The following LCP1 variants were observed in gnomAD, a reference collection of about 807,000 sequenced individuals.
LCP1 encodes plastin-2.
In LCP1, 23 loss-of-function variants were observed where a neutral mutation model predicts 72.0. That is an observed-to-expected ratio of 0.32 (90% CI 0.23 to 0.45). The LOEUF is 0.45. Ranked by LOEUF, LCP1 falls within the 20% of genes least tolerant of loss-of-function variation. LCP1 has a pLI of 1.00. For synonymous variants in LCP1, 245 were observed against 275.4 expected (o/e 0.89, Z 1.09); for missense variants, 571 against 748.3 (o/e 0.76, Z 2.76).
intron 13 of LCP1, among the ~76,000 whole-genome samples, chr13:46,139,608 C>A (rs1314606995): frequency 6.6e-6 from 1 of 152,166 alleles, no homozygotes; most frequent in African/African-American, 2.4e-5. Flanking sequence ...ATGTAAGATT[C>A]TTGCCTTGTC....
At chr13:46,148,800 G>T in intron 8 of LCP1, 1 of 911,938 alleles carries the variant, frequency 1.1e-6, no homozygotes, top group Non-Finnish European at 1.3e-6. Context: ...TGCTGTAGAA[G>T]TCAGTCAGCT....
intron 15 of LCP1, among the ~76,000 whole-genome samples, chr13:46,129,211 T>A (rs933396904): frequency 6.6e-6 from 1 of 152,216 alleles, no homozygotes; most frequent in Non-Finnish European, 1.5e-5. Flanking sequence ...CACCCCTTTT[T>A]CTAAGTAATT....
At chr13:46,143,607 T>C (rs888674304) in intron 11 of LCP1, among the ~76,000 whole-genome samples, 1 of 152,202 alleles carries the variant, frequency 6.6e-6, no homozygotes, top group Admixed American at 6.5e-5. Flanking sequence ...TGTGACTAGC[T>C]ATGCCCTTCC....
chr13:46,179,567 G>A lies in LCP1; in HGVS notation c.-25+2544C>T, dbSNP rs375882666. Among the ~76,000 whole-genome samples the A allele has an allele frequency of 6.6e-5, 10 of 152,330 alleles. No homozygotes were observed. The South Asian group carries it at 8.3e-4, about 13-fold the overall frequency. On this transcript the variant is annotated intron_variant, in intron 1 of 15. Coordinates refer to ENST00000323076, the MANE Select transcript of LCP1 (RefSeq NM_002298.5). ...ACCAAAGAAACATTTAGTGGGGGCA[G>A]GGAGAAGATGGGAAGGCCTCCAAAA...
At chr13:46,156,305 A>G in intron 5 of LCP1, 133 bp downstream of exon 5, 1 of 962,140 alleles carries the variant, frequency 1.0e-6, no homozygotes. Flanking sequence ...GACCTGGCCA[A>G]GTGAAAGTCC....
rs151211695 is a variant in LCP1, at chr13:46,130,531, G to A, written c.1751+283C>T. Among the ~76,000 whole-genome samples the A allele has an allele frequency of 2.3e-3, 349 of 151,454 alleles. 1 individual carries two copies. Among genetic ancestry groups the A allele is most frequent in the Non-Finnish European group, 3.7e-3 (248 of 67,928 alleles). Reference sequence around the variant, plus strand: ...AATGGAGCATTTGGTTAGGAAATTGGTTTTATGAAACTATAGGCTTGCTTA... The same window carrying A: ...AATGGAGCATTTGGTTAGGAAATTGATTTTATGAAACTATAGGCTTGCTTA... On this transcript the variant is annotated intron_variant, in intron 15 of 15. Transcript: ENST00000323076.
chr13:46,156,632 T>C (rs1593955907), intron 4 of LCP1, 62 bp from the exon 5 acceptor site: 2 of 1,558,388 alleles, frequency 1.3e-6, no homozygotes, highest in African/African-American at 1.4e-5. Context: ...AACAAAATTA[T>C]GCATGTGGAT....
chr13:46,173,249 T>C (rs2045912863), intron 1 of LCP1, among the ~76,000 whole-genome samples: 1 of 152,238 alleles, frequency 6.6e-6, no homozygotes, highest in Admixed American at 6.5e-5. Flanking sequence ...TTTTTTGCTG[T>C]GTGTATTTGA....
chr13:46,166,498 T>A (rs1471356600), intron 1 of LCP1, among the ~76,000 whole-genome samples: 1 of 152,182 alleles, frequency 6.6e-6, no homozygotes, highest in Non-Finnish European at 1.5e-5. Context: ...GTAGTTAAAG[T>A]CAAACCGGAC....
chr13:46,159,005 T>C lies in LCP1; in HGVS notation c.65-16A>G, dbSNP rs2045821232. The C allele has an allele frequency of 1.4e-5, 22 of 1,612,946 alleles. No homozygotes were observed. The highest frequency in any genetic ancestry group is 1.9e-5 in the Non-Finnish European group (22 of 1,179,412). ...CCATCAGTATCTGTAATGTACACAATATACTGAAGCTTCAGGACGATTCAG... is the reference window on the plus strand; with the variant it reads ...CCATCAGTATCTGTAATGTACACAACATACTGAAGCTTCAGGACGATTCAG... On this transcript the variant is annotated splice_polypyrimidine_tract_variant and intron_variant, in intron 2 of 15. Coordinates refer to ENST00000323076, the MANE Select transcript of LCP1 (RefSeq NM_002298.5).
intron 7 of LCP1, among the ~76,000 whole-genome samples, chr13:46,152,454 G>A (rs1593953466): frequency 6.6e-6 from 1 of 152,160 alleles, no homozygotes; most frequent in East Asian, 1.9e-4. Flanking sequence ...CAAAGTGCAA[G>A]TTAAAAGTCC....
In LCP1 at chr13:46,165,899, G is replaced by A. The variant is rs115819475; in HGVS notation, c.-24-6213C>T. Among the ~76,000 whole-genome samples the A allele has an allele frequency of 8.5e-3, 1,280 of 151,326 alleles. 15 individuals are homozygous for A. Among genetic ancestry groups the A allele is most frequent in the African/African-American group, 0.028 (1,168 of 41,270 alleles). ...ATCAATAGTTGTAGAATCTCAAGAC[G>A]TTGGCCAAAAAAAAAGCATTGGTTG... On this transcript the variant is annotated intron_variant, in intron 1 of 15. Coordinates refer to ENST00000323076, the MANE Select transcript of LCP1 (RefSeq NM_002298.5).
chr13:46,151,092 A>G lies in LCP1; in HGVS notation c.740-14T>C, dbSNP rs1229502369. 32 of 1,597,442 alleles carry G rather than the reference A, an allele frequency of 2.0e-5. No individual in the cohort carries two copies. The Admixed American group carries it at 5.9e-4, about 29-fold the overall frequency. On this transcript the variant is annotated splice_polypyrimidine_tract_variant and intron_variant, in intron 7 of 15. Coordinates refer to ENST00000323076, the MANE Select transcript of LCP1 (RefSeq NM_002298.5). The stretch of plus-strand genomic sequence containing the variant: ...GAGCAATCAGAGCTGAAGAAGCACA[A>G]AAACCACAGAAAAATAAATGCAGCG...
At position 46,156,511 on chromosome 13, in the gene LCP1, A is replaced by G; in HGVS notation, c.418T>C (p.Cys140Arg). ...INKALENDPD[C>R]RHVIPMNPNT... is the part of the protein sequence containing the mutation. ...GGGTTCATTGGGATGACATGCCGAC[A>G]ATCAGGATCATTTTCCAGGGCTTTG... The change falls in exon 5 of 16, where the codon TGT (cysteine) becomes CGT (arginine). Residue 140 changes from cysteine (C) to arginine (R), a missense_variant. Transcript: ENST00000323076. The G allele has an allele frequency of 6.2e-7, 1 of 1,614,198 alleles. No homozygotes were observed. The highest frequency in any genetic ancestry group is 8.5e-7 in the Non-Finnish European group (1 of 1,180,006).
intron 13 of LCP1, among the ~76,000 whole-genome samples, chr13:46,137,733 A>G (rs2045673427): frequency 6.6e-6 from 1 of 152,238 alleles, no homozygotes; most frequent in Non-Finnish European, 1.5e-5. Context: ...CCTCCAGACA[A>G]GATCTCAGTA....
intron 1 of LCP1, among the ~76,000 whole-genome samples, chr13:46,161,929 C>T (rs1453024048): frequency 2.0e-5 from 3 of 152,306 alleles, no homozygotes; most frequent in East Asian, 3.9e-4. Context: ...TGTCTGACAG[C>T]AAAATCTTCA....
In LCP1 at chr13:46,142,287, A is replaced by G. The variant is rs761957455; in HGVS notation, c.1502+5T>C. 3 of 1,613,410 alleles carry G rather than the reference A, an allele frequency of 1.9e-6. No homozygotes were observed. Among genetic ancestry groups the G allele is most frequent in the Non-Finnish European group, 2.5e-6 (3 of 1,179,468 alleles). ...AGAAAAAGCCACTTCCATAAGCTATACTACCTTCTCATTAGCTGCCAAATC... is the reference window on the plus strand; with the variant it reads ...AGAAAAAGCCACTTCCATAAGCTATGCTACCTTCTCATTAGCTGCCAAATC... On this transcript the variant is annotated splice_donor_5th_base_variant and intron_variant, in intron 13 of 15. Transcript: ENST00000323076.
At chr13:46,175,100 C>T (rs1378247862) in intron 1 of LCP1, among the ~76,000 whole-genome samples, 1 of 152,156 alleles carries the variant, frequency 6.6e-6, no homozygotes, top group Non-Finnish European at 1.5e-5. Flanking sequence ...CCTCCCTGAA[C>T]CTCAGCTTGG....
rs2045605906 is a variant in LCP1 at position 46,127,482 on chromosome 13, T to C, written c.*109A>G. ...CACTAATATGTGCTTTTTGGAATCT[T>C]ATAGAGTGTCACCAAGTTGAACTTT... On this transcript the variant is annotated 3_prime_UTR_variant, in exon 16 of 16. Coordinates refer to ENST00000323076, the MANE Select transcript of LCP1 (RefSeq NM_002298.5). The C allele has an allele frequency of 1.4e-6, 2 of 1,406,154 alleles. No individual in the cohort carries two copies. The highest frequency in any genetic ancestry group is 2.8e-5 in the African/African-American group (2 of 70,288). The allele number at this position is 1,406,154 out of a possible 1,614,324, so 87.1% of individuals were successfully genotyped here. A position where few individuals can be genotyped will look rare whatever the true frequency, so the allele number is the denominator to read the frequency against.
Sources: allele counts gnomAD v4.1 joint callset (sites outside exome capture counted in the v4.1 genomes callset), GRCh38; gene constraint gnomAD v4.1.1; transcripts MANE v1.5; gene names NCBI Gene and HGNC (gene_info 2026-07-23, HGNC 2026-07-21).